Variants in ACE observed in about 807,000 individuals in gnomAD.
ACE encodes angiotensin-converting enzyme.
In ACE, 122 loss-of-function variants were observed where a neutral mutation model predicts 162.3. That is an observed-to-expected ratio of 0.75 (90% confidence interval 0.65 to 0.87). The LOEUF is 0.87. Ranked by LOEUF, ACE falls within the 40% of genes least tolerant of loss-of-function variation. The pLI, the probability that ACE is intolerant of heterozygous loss-of-function variation, is 0.00. For synonymous variants in ACE, 796 were observed against 720.6 expected (o/e 1.10, Z -1.68); for missense variants, 1,799 against 1,735.1 (o/e 1.04, Z -0.65).
Position 63,496,447 on chromosome 17 carries a change from C to T in ACE, c.3434C>T (p.Ala1145Val), listed in dbSNP as rs1444132860. Reference sequence around the variant, plus strand: ...CAGTTCCACGAGGCACTGTGCCAGGCAGCTGGCCACACGGGCCCCCTGCAC... The same window carrying T: ...CAGTTCCACGAGGCACTGTGCCAGGTAGCTGGCCACACGGGCCCCCTGCAC... ...QFQFHEALCQ[A>V]AGHTGPLHKC... Residue 1145 changes from alanine (A) to valine (V), a missense_variant, in exon 23 of 25, where the codon GCA becomes GTA. Ala to Val is a moderately conservative substitution (Grantham distance 64). Coordinates refer to ENST00000290866, the MANE Select transcript of ACE (RefSeq NM_000789.4). 1 of 1,614,238 alleles carries T rather than the reference C, an allele frequency of 6.2e-7. No individual in the cohort carries two copies. The highest frequency in any genetic ancestry group is 8.5e-7 in the Non-Finnish European group (1 of 1,180,052).
chr17:63,484,950 G>A lies in ACE; in HGVS notation c.1922-286G>A. 6.2e-7 allele frequency: 1 copy of A among 1,600,942 alleles called. No homozygotes were observed. The highest frequency in any genetic ancestry group is 1.3e-5 in the African/African-American group (1 of 74,776). On this transcript the variant is annotated intron_variant, in intron 12 of 24. Coordinates refer to ENST00000290866, the MANE Select transcript of ACE (RefSeq NM_000789.4). The surrounding 1 kb of genome is among the most constrained non-coding windows in gnomAD (Gnocchi z 4.0). Reference sequence around the variant, plus strand: ...TACGGGCACCCTCTGCTGGTCCCCAGCCAGGAGGCATCCCAACAGGTGACA... The same window carrying A: ...TACGGGCACCCTCTGCTGGTCCCCAACCAGGAGGCATCCCAACAGGTGACA...
chr17:63,489,012 C>A lies in ACE; in HGVS notation c.2521C>A (p.Leu841Ile). ...TPSLEQDLER[L>I]FQELQPLYLN... The stretch of plus-strand genomic sequence containing the variant: ...ATCCCTGGAGCAAGACCTGGAGCGG[C>A]TCTTCCAGGAGCTGCAGCCACTCTA... The change falls in exon 17 of 25, where the codon CTC (leucine) becomes ATC (isoleucine). Residue 841 changes from leucine to isoleucine, a missense_variant. Leu to Ile is a conservative substitution (Grantham distance 5). Coordinates refer to ENST00000290866, the MANE Select transcript of ACE (RefSeq NM_000789.4). 1 of 1,614,164 alleles carries A rather than the reference C, an allele frequency of 6.2e-7. No homozygotes were observed. The highest frequency in any genetic ancestry group is 1.3e-5 in the African/African-American group (1 of 75,056).
Position 63,483,026 on chromosome 17 carries a change from C to T in ACE, c.1343-3C>T. 5 of 1,614,114 alleles carry T rather than the reference C, an allele frequency of 3.1e-6. No individual in the cohort carries two copies. The highest frequency in any genetic ancestry group is 4.2e-6 in the Non-Finnish European group (5 of 1,179,970). On this transcript the variant is annotated splice_polypyrimidine_tract_variant and splice_region_variant and intron_variant, in intron 8 of 24. Transcript: ENST00000290866. ...CCTCTCCTTTCATCTCATCTCCCAA[C>T]AGAAAGTGACATCAATTACTTGCTA...
At position 63,497,483 on chromosome 17, in the gene ACE, T is replaced by C. The variant is rs576380130; in HGVS notation, c.*117T>C. ...CCAGCCCACCCTGCTCCTCCTGCCC[T>C]GTCCCTGTCCCCCTCCCCTCCCAGT... On this transcript the variant is annotated 3_prime_UTR_variant, in exon 25 of 25. Transcript: ENST00000290866. 108 of 924,918 alleles carry C rather than the reference T, an allele frequency of 1.2e-4. 1 individual carries two copies. In the South Asian group the frequency reaches 1.5e-3, roughly 13 times the overall value. 57.3% of individuals were successfully genotyped at this position (924,918 alleles called of 1,614,324 possible).
rs1180518014 is a variant in ACE at position 63,477,371 on chromosome 17, G to GGGCGGGGCCGC, written c.249+34_249+44dup. ...GGGCGCCCGGGCCCGGGCGGGGGCG[G>GGGCGGGGCCGC]GGCGGGGCCGCGGCGGCCAATCACA... On this transcript the variant is annotated intron_variant, in intron 1 of 24. Coordinates refer to ENST00000290866, the MANE Select transcript of ACE (RefSeq NM_000789.4). The GGGCGGGGCCGC allele has an allele frequency of 1.3e-4, 161 of 1,228,754 alleles. 2 individuals are homozygous for GGGCGGGGCCGC. The African/African-American group carries it at 2.5e-3, about 19-fold the overall frequency. The allele number at this position is 1,228,754 out of a possible 1,614,324, so 76.1% of individuals were successfully genotyped here.
In ACE at chr17:63,480,354, G is replaced by T. The variant is rs753023714; in HGVS notation, c.673G>T (p.Ala225Ser). The T allele has an allele frequency of 2.7e-5, 43 of 1,613,818 alleles. No homozygotes were observed. The South Asian group carries it at 4.6e-4, about 17-fold the overall frequency. Reference sequence around the variant, plus strand: ...GCCCCCAGGCTTCACAGACACGGGGGCCTACTGGCGCTCCTGGTACAACTC... The same window carrying T: ...GCCCCCAGGCTTCACAGACACGGGGTCCTACTGGCGCTCCTGGTACAACTC... ...YKQDGFTDTGAYWRSWYNSPT... is the reference protein window; with the variant it reads ...YKQDGFTDTGSYWRSWYNSPT... The change falls in exon 5 of 25, where the codon GCC becomes TCC. Residue 225 changes from alanine (A) to serine (S), a missense_variant. By Grantham distance (99) the Ala-to-Ser change is moderately conservative (BLOSUM62 1). Transcript: ENST00000290866.
intron 15 of ACE, 143 bp downstream of exon 15, chr17:63,487,216 G>A (rs769766362): frequency 1.1e-5 from 8 of 726,682 alleles, no homozygotes; most frequent in Middle Eastern, 3.6e-4. Flanking sequence ...TGTTTTCCAC[G>A]AGGGGGGCTT....
chr17:63,489,245 G>A, intron 17 of ACE, 113 bp downstream of exon 17: 1 of 1,325,000 alleles, frequency 7.5e-7, no homozygotes, highest in Non-Finnish European at 1.0e-6. Context: ...AGAGACTCCA[G>A]CCCTGTGGGG....
In ACE at chr17:63,491,495, C is replaced by T. The variant is rs1216303607; in HGVS notation, c.2912+114C>T. On this transcript the variant is annotated intron_variant, in intron 19 of 24. Transcript: ENST00000290866. This position sits in a 1 kb window ranked among gnomAD's most constrained non-coding sequence, Gnocchi z 4.4. ...TGGAGCCAGCAGGGCAGGATGGGGACAGGGCCAGAGTTTGGGACTGAGTGT... is the reference window on the plus strand; with the variant it reads ...TGGAGCCAGCAGGGCAGGATGGGGATAGGGCCAGAGTTTGGGACTGAGTGT... 1.4e-6 allele frequency: 2 copies of T among 1,410,696 alleles called. No individual in the cohort carries two copies. The highest frequency in any genetic ancestry group is 2.0e-6 in the Non-Finnish European group (2 of 1,011,444). 87.4% of individuals were successfully genotyped at this position (1,410,696 alleles called of 1,614,324 possible). A position where few individuals can be genotyped will look rare whatever the true frequency, so the allele number is the denominator to read the frequency against.
In ACE at chr17:63,486,549, G is replaced by A; in HGVS notation, c.2059-8G>A. 3.7e-6 allele frequency: 6 copies of A among 1,614,020 alleles called. No homozygotes were observed. The highest frequency in any genetic ancestry group is 5.1e-6 in the Non-Finnish European group (6 of 1,179,938). On this transcript the variant is annotated splice_polypyrimidine_tract_variant and splice_region_variant and intron_variant, in intron 13 of 24. Coordinates refer to ENST00000290866, the MANE Select transcript of ACE (RefSeq NM_000789.4). The stretch of plus-strand genomic sequence containing the variant: ...GGGCCCTGTGACACCATCCCCCTGT[G>A]CCCTCAGCTGCAGAAGAACATGCAA...
At chr17:63,488,153 T>G in intron 15 of ACE, among the ~76,000 whole-genome samples, 1 of 152,074 alleles carries the variant, frequency 6.6e-6, no homozygotes, top group South Asian at 2.1e-4. Context: ...GAGAATCGCT[T>G]GAGCCCAGCC....
At position 63,482,672 on chromosome 17, in the gene ACE, G is replaced by A. The variant is rs35865660; in HGVS notation, c.1325G>A (p.Arg442His). Residue 442 changes from arginine to histidine, a missense_variant, in exon 8 of 25, where the codon CGT (arginine) becomes CAT (histidine). By Grantham distance (29) the Arg-to-His change is conservative (BLOSUM62 0). Coordinates refer to ENST00000290866, the MANE Select transcript of ACE (RefSeq NM_000789.4). ...CTGCACAAAATCGGCCTGCTGGACC[G>A]TGTCACCAATGACACGGGTATGGGA... ...EHLHKIGLLDRVTNDTESDIN... is the reference protein window; with the variant it reads ...EHLHKIGLLDHVTNDTESDIN... The A allele has an allele frequency of 8.8e-4, 1,422 of 1,613,814 alleles. 8 individuals carry two copies. In the African/African-American group the frequency reaches 0.014, roughly 16 times the overall value.
At chr17:63,477,799 C>G in intron 1 of ACE, 132 bp from the exon 2 acceptor site, 1 of 1,124,942 alleles carries the variant, frequency 8.9e-7, no homozygotes. Flanking sequence ...AGGTCTCCCG[C>G]AGGGATCTCC....
chr17:63,493,645 A>C lies in ACE; in HGVS notation c.3122A>C (p.Glu1041Ala). 1.2e-6 allele frequency: 2 copies of C among 1,614,058 alleles called. No homozygotes were observed. The highest frequency in any genetic ancestry group is 1.7e-6 in the Non-Finnish European group (2 of 1,180,006). The change falls in exon 20 of 25, where the codon GAG becomes GCG. Residue 1041 changes from glutamate to alanine, a missense_variant. Glu to Ala is a moderately radical substitution (Grantham distance 107, BLOSUM62 -1). Coordinates refer to ENST00000290866, the MANE Select transcript of ACE (RefSeq NM_000789.4). ...HLHSLNLLSS[E>A]GGSDEHDINF... is the part of the protein sequence containing the mutation. ...CACAGTCTCAACCTGCTGAGCAGTG[A>C]GGGTGGCAGCGACGGTGAGAGAGAA...
chr17:63,482,476 T>G lies in ACE; in HGVS notation c.1129T>G (p.Cys377Gly). Residue 377 changes from cysteine (C) to glycine (G), a missense_variant, in exon 8 of 25, where the codon TGC becomes GGC. Cys to Gly is a radical substitution (Grantham distance 159). Coordinates refer to ENST00000290866, the MANE Select transcript of ACE (RefSeq NM_000789.4). ...YNRKDFRIKQ[C>G]TRVTMDQLST... ...CTCTCTACGCCCCAGGATCAAGCAG[T>G]GCACACGGGTCACGATGGACCAGCT... 6.2e-7 allele frequency: 1 copy of G among 1,613,928 alleles called. No homozygotes were observed. The highest frequency in any genetic ancestry group is 1.1e-5 in the South Asian group (1 of 91,068).
chr17:63,481,836 C>T (rs2049715632), intron 7 of ACE, 98 bp downstream of exon 7: 3 of 1,502,540 alleles, frequency 2.0e-6, no homozygotes, highest in African/African-American at 2.7e-5. Flanking sequence ...CCCAGGCCTG[C>T]CTCTACCCTA....
chr17:63,484,787 A>G lies in ACE; in HGVS notation c.1921+246A>G, dbSNP rs1346841536. The G allele has an allele frequency of 2.0e-6, 3 of 1,485,810 alleles. No homozygotes were observed. Among genetic ancestry groups the G allele is most frequent in the East Asian group, 2.5e-5 (1 of 40,528 alleles). 92.0% of individuals were successfully genotyped at this position (1,485,810 alleles called of 1,614,324 possible). A position where few individuals can be genotyped will look rare whatever the true frequency, so the allele number is the denominator to read the frequency against. On this transcript the variant is annotated intron_variant, in intron 12 of 24. Coordinates refer to ENST00000290866, the MANE Select transcript of ACE (RefSeq NM_000789.4). This position sits in a 1 kb window ranked among gnomAD's most constrained non-coding sequence, Gnocchi z 4.0. ...TCCCCTTCCAGAGGAAGCCAGACACAAGGCTCTGTGAGGTCACACTGCGGG... is the reference window on the plus strand; with the variant it reads ...TCCCCTTCCAGAGGAAGCCAGACACGAGGCTCTGTGAGGTCACACTGCGGG...
chr17:63,488,819 C>T (rs2030170098), intron 16 of ACE, 28 bp downstream of exon 16: 3 of 1,614,082 alleles, frequency 1.9e-6, no homozygotes, highest in African/African-American at 1.3e-5. Context: ...ACATCACTGG[C>T]ACTTGGGTCC....
intron 13 of ACE, 107 bp downstream of exon 13, chr17:63,485,479 T>G: frequency 6.6e-7 from 1 of 1,507,136 alleles, no homozygotes; most frequent in Non-Finnish European, 9.1e-7. Flanking sequence ...ATTGAATATT[T>G]AAAACAATAC....
Sources: allele counts gnomAD v4.1 joint callset (sites outside exome capture counted in the v4.1 genomes callset), GRCh38; gene constraint gnomAD v4.1.1; non-coding constraint Gnocchi (gnomAD v3.1); transcripts MANE v1.5; gene names NCBI Gene and HGNC (gene_info 2026-07-23, HGNC 2026-07-21).